FBF1: variants seen among roughly 807,000 people sequenced by gnomAD.
FBF1 encodes the protein Fas binding factor 1, also known as fas-binding factor 1.
FBF1 carries 119 observed loss-of-function variants against 147.2 expected under a neutral mutation model. That is an observed-to-expected ratio of 0.81 (90% confidence interval 0.70 to 0.94). The LOEUF is 0.94. FBF1 is among the 40% of genes least tolerant of loss of function. The pLI is 0.00. For synonymous variants in FBF1, 601 were observed against 609.0 expected, an observed-to-expected ratio of 0.99 and a Z score of 0.19; for missense variants, 1,449 against 1,500.8, an observed-to-expected ratio of 0.97 and a Z score of 0.57.
rs1340656420 is a variant in FBF1, at chr17:75,937,522, G to A, written c.31+44C>T. 3.1e-6 allele frequency: 5 copies of A among 1,607,790 alleles called. No individual in the cohort carries two copies. The East Asian group carries it at 6.7e-5, about 22-fold the overall frequency. On this transcript the variant is annotated intron_variant, in intron 3 of 29. Coordinates refer to ENST00000636174, the MANE Select transcript of FBF1 (RefSeq NM_001319193.2). ...TTGTTCCAGGACCAAAGGGGAAAAA[G>A]ATATATATTTGGCTTAAGAGTAATG...
At chr17:75,933,568 T>C (rs1247227236) in intron 4 of FBF1, among the ~76,000 whole-genome samples, 2 of 152,078 alleles carry the variant, frequency 1.3e-5, no homozygotes, top group Non-Finnish European at 2.9e-5. Flanking sequence ...CTTTGTGGGT[T>C]CTCTGGGGCC....
intron 7 of FBF1, 33 bp downstream of exon 7, chr17:75,929,964 C>CCCCCCTCCAA: frequency 7.1e-7 from 1 of 1,402,202 alleles, no homozygotes. Flanking sequence ...CACCCACCCC[C>CCCCCCTCCAA]AGTTCTAAGA....
chr17:75,918,811 T>C lies in FBF1; in HGVS notation c.2139-542A>G, dbSNP rs1212722575. Among the ~76,000 whole-genome samples the C allele has an allele frequency of 6.6e-6, 1 of 151,278 alleles. No individual in the cohort carries two copies. The highest frequency in any genetic ancestry group is 1.5e-5 in the Non-Finnish European group (1 of 67,744). ...CCGGCCCCAAGCAGTCTTTCTTTTT[T>C]TTTTTTTTTTTCCTAGAGATGAGGT... On this transcript the variant is annotated intron_variant, in intron 20 of 29. Transcript: ENST00000636174. This position sits in a 1 kb window ranked among gnomAD's most constrained non-coding sequence, Gnocchi z 5.8.
chr17:75,926,349 T>G lies in FBF1; in HGVS notation c.673A>C (p.Ile225Leu). Residue 225 changes from isoleucine to leucine, a missense_variant, in exon 11 of 30, where the codon ATC becomes CTC. By Grantham distance (5) the Ile-to-Leu change is conservative. Transcript: ENST00000636174. ...EELLFDDGDD[I>L]MATLGFGDSP... ...TCTCCAAACCCCAAGGTGGCCATGATGTCATCCCCATCATCAAACAACAAT... is the reference window on the plus strand; with the variant it reads ...TCTCCAAACCCCAAGGTGGCCATGAGGTCATCCCCATCATCAAACAACAAT... 4 of 1,612,946 alleles carry G rather than the reference T, an allele frequency of 2.5e-6. No individual in the cohort carries two copies. The highest frequency in any genetic ancestry group is 3.4e-6 in the Non-Finnish European group (4 of 1,179,494).
rs1347589172 is a variant in FBF1, at chr17:75,910,991, A to G, written c.3364-185T>C. Among the ~76,000 whole-genome samples, 2 of 149,868 alleles carry G rather than the reference A, an allele frequency of 1.3e-5. No homozygotes were observed. The highest frequency in any genetic ancestry group is 3.0e-5 in the Non-Finnish European group (2 of 66,416). On this transcript the variant is annotated intron_variant, in intron 29 of 29. Transcript: ENST00000636174. The surrounding 1 kb of genome is among the most constrained non-coding windows in gnomAD (Gnocchi z 4.1). ...ATGGAGTGAGACAGACCACAGTCTCAATCCTGGCAAGGTTACTTGTTTGCT... is the reference window on the plus strand; with the variant it reads ...ATGGAGTGAGACAGACCACAGTCTCGATCCTGGCAAGGTTACTTGTTTGCT...
chr17:75,923,944 G>T lies in FBF1; in HGVS notation c.969-303C>A, dbSNP rs2065545131. 6.6e-6 allele frequency among the ~76,000 whole-genome samples: 1 copy of T among 152,192 alleles called. No homozygotes were observed. The highest frequency in any genetic ancestry group is 2.4e-5 in the African/African-American group (1 of 41,458). ...AAAGAAAAATCAGGCCGAGCACGGT[G>T]GCTCATGTCTGTAATCCCAGATCTT... On this transcript the variant is annotated intron_variant, in intron 13 of 29. Transcript: ENST00000636174. The surrounding 1 kb of genome is among the most constrained non-coding windows in gnomAD (Gnocchi z 4.1).
chr17:75,914,394 G>C (rs2065475195), intron 25 of FBF1, 96 bp from the exon 26 acceptor site: 1 of 1,468,976 alleles, frequency 6.8e-7, no homozygotes, highest in Non-Finnish European at 9.0e-7. Flanking sequence ...CCTGCCCCTG[G>C]GAGGAGGTGG....
chr17:75,912,138 C>G, intron 29 of FBF1, 54 bp downstream of exon 29: 1 of 1,524,214 alleles, frequency 6.6e-7, no homozygotes, highest in South Asian at 1.2e-5. Flanking sequence ...TGCCTCTGCC[C>G]TGAGCTGGAA....
rs549680208 is a variant in FBF1 at position 75,923,726 on chromosome 17, G to A, written c.969-85C>T. 2.2e-4 allele frequency: 298 copies of A among 1,336,160 alleles called. No individual in the cohort carries two copies. Among genetic ancestry groups the A allele is most frequent in the Non-Finnish European group, 2.0e-4 (198 of 990,038 alleles). 82.8% of individuals were successfully genotyped at this position (1,336,160 alleles called of 1,614,324 possible). A position where few individuals can be genotyped will look rare whatever the true frequency, so the allele number is the denominator to read the frequency against. On this transcript the variant is annotated intron_variant, in intron 13 of 29. Coordinates refer to ENST00000636174, the MANE Select transcript of FBF1 (RefSeq NM_001319193.2). The surrounding 1 kb of genome is among the most constrained non-coding windows in gnomAD (Gnocchi z 4.1). ...GCAGCCTGCAGCTGGGCGTCACGAT[G>A]CCCAGGGACCCTGCACAGTCAGCTG...
intron 17 of FBF1, among the ~76,000 whole-genome samples, 189 bp downstream of exon 17, chr17:75,921,055 C>G (rs2065522903): frequency 6.6e-6 from 1 of 152,226 alleles, no homozygotes; most frequent in Non-Finnish European, 1.5e-5. Flanking sequence ...CAGCTCTGCC[C>G]AGGAGCAGCG....
intron 13 of FBF1, among the ~76,000 whole-genome samples, chr17:75,924,970 G>A (rs1212069571): frequency 6.6e-6 from 1 of 152,158 alleles, no homozygotes; most frequent in Non-Finnish European, 1.5e-5. Flanking sequence ...AGCCACCGCA[G>A]ATGCCAGTGG....
In FBF1 at chr17:75,928,884, G is replaced by T. The variant is rs2065577826; in HGVS notation, c.280-691C>A. On this transcript the variant is annotated intron_variant, in intron 7 of 29. Coordinates refer to ENST00000636174, the MANE Select transcript of FBF1 (RefSeq NM_001319193.2). The surrounding 1 kb of genome is among the most constrained non-coding windows in gnomAD (Gnocchi z 4.2). ...TCTGTCACCCAGGCTGGAGTGAAGT[G>T]GTGCGATCATAGCTCATTGCAGCCT... is the stretch of plus-strand genomic sequence containing the variant. Among the ~76,000 whole-genome samples, 1 of 152,096 alleles carries T rather than the reference G, an allele frequency of 6.6e-6. No homozygotes were observed.
intron 7 of FBF1, among the ~76,000 whole-genome samples, chr17:75,929,761 T>A (rs1393146129): frequency 1.3e-5 from 2 of 151,984 alleles, no homozygotes; most frequent in Non-Finnish European, 2.9e-5. Flanking sequence ...GCTGGCCCCG[T>A]TTCCCCAGAG....
At position 75,922,119 on chromosome 17, in the gene FBF1, AC is replaced by A. The variant is rs2065531716; in HGVS notation, c.1425-74del. 7.5e-7 allele frequency: 1 copy of A among 1,328,236 alleles called. No homozygotes were observed. The highest frequency in any genetic ancestry group is 1.5e-5 in the African/African-American group (1 of 68,550). The allele number at this position is 1,328,236 out of a possible 1,614,324, so 82.3% of individuals were successfully genotyped here. On this transcript the variant is annotated intron_variant, in intron 14 of 29. Coordinates refer to ENST00000636174, the MANE Select transcript of FBF1 (RefSeq NM_001319193.2). The surrounding 1 kb of genome is among the most constrained non-coding windows in gnomAD (Gnocchi z 5.0). Reference sequence around the variant, plus strand: ...AGGCTGGATGAAGACAGGGCCCAGGACGGGCTTCACACGTGAAGCTCGTGGC... The same window carrying A: ...AGGCTGGATGAAGACAGGGCCCAGGAGGGCTTCACACGTGAAGCTCGTGGC...
Position 75,914,891 on chromosome 17 carries a change from G to A in FBF1, c.2670C>T (p.Cys890=), listed in dbSNP as rs750531702. Residue 890 remains cysteine (C), a synonymous_variant, in exon 25 of 30, where the codon TGC becomes TGT. Coordinates refer to ENST00000636174, the MANE Select transcript of FBF1 (RefSeq NM_001319193.2). ...LEEQKSVMLK[C]GEERRRLAAE... is the part of the protein sequence containing the mutation. ...CAGCCAGGCGCCGCCGCTCCTCCCC[G>A]CACTTGAGCATGACAGACTTCTGCT... The A allele has an allele frequency of 7.0e-6, 11 of 1,572,754 alleles. No individual in the cohort carries two copies. In the Admixed American group the frequency reaches 8.5e-5, roughly 12 times the overall value.
chr17:75,909,944 C>T lies in FBF1; in HGVS notation c.*779G>A. Reference sequence around the variant, plus strand: ...TGTAGTTGTGATTGGTTCCTTGTCGCCTCCACTGCGTACCCGCTGAGCTGG... The same window carrying T: ...TGTAGTTGTGATTGGTTCCTTGTCGTCTCCACTGCGTACCCGCTGAGCTGG... On this transcript the variant is annotated 3_prime_UTR_variant, in exon 30 of 30. Coordinates refer to ENST00000636174, the MANE Select transcript of FBF1 (RefSeq NM_001319193.2). 1 of 698,876 alleles carries T rather than the reference C, an allele frequency of 1.4e-6. No individual in the cohort carries two copies. The highest frequency in any genetic ancestry group is 2.6e-6 in the Non-Finnish European group (1 of 382,842). The allele number at this position is 698,876 out of a possible 1,614,324, so 43.3% of individuals were successfully genotyped here. A position where few individuals can be genotyped will look rare whatever the true frequency, so the allele number is the denominator to read the frequency against.
chr17:75,920,108 C>T lies in FBF1; in HGVS notation c.1831-1G>A. On this transcript the variant is annotated splice_acceptor_variant, in intron 18 of 29. Transcript: ENST00000636174. LOFTEE classifies it high-confidence loss of function. ...CCCGTTCTAGCTCCAGCTTCCGCAC[C>T]TGGGAGACAGCAGGAGGGCCAGCAA... is the stretch of plus-strand genomic sequence containing the variant. 6.3e-7 allele frequency: 1 copy of T among 1,583,486 alleles called. No individual in the cohort carries two copies. Among genetic ancestry groups the T allele is most frequent in the Non-Finnish European group, 8.6e-7 (1 of 1,165,732 alleles).
At chr17:75,911,690 T>C (rs934552126) in intron 29 of FBF1, among the ~76,000 whole-genome samples, 9 of 152,010 alleles carry the variant, frequency 5.9e-5, no homozygotes, top group Non-Finnish European at 1.3e-4. Flanking sequence ...AGCTATTTTT[T>C]TGTGGAGACG....
rs2065604286 is a variant in FBF1 at position 75,933,093 on chromosome 17, A to G, written c.74-5T>C. 6 of 1,593,624 alleles carry G rather than the reference A, an allele frequency of 3.8e-6. No homozygotes were observed. Among genetic ancestry groups the G allele is most frequent in the Non-Finnish European group, 3.4e-6 (4 of 1,164,328 alleles). On this transcript the variant is annotated splice_polypyrimidine_tract_variant and splice_region_variant and intron_variant, in intron 4 of 29. Transcript: ENST00000636174. ...CAGGCTTCTCAGGTAGTGTCACTGGAAAAAAAGAAAAGAGAAAACGTGTCA... is the reference window on the plus strand; with the variant it reads ...CAGGCTTCTCAGGTAGTGTCACTGGGAAAAAAGAAAAGAGAAAACGTGTCA...
Sources: allele counts gnomAD v4.1 joint callset (sites outside exome capture counted in the v4.1 genomes callset), GRCh38; gene constraint gnomAD v4.1.1; non-coding constraint Gnocchi (gnomAD v3.1); transcripts MANE v1.5; gene names NCBI Gene and HGNC (gene_info 2026-07-23, HGNC 2026-07-21).